The following PCDHGB5 variants were observed in gnomAD, a reference collection of about 807,000 sequenced individuals.
PCDHGB5 encodes protocadherin gamma subfamily B, 5.
A neutral mutation model predicts 62.9 loss-of-function variants in PCDHGB5; 48 were observed. The ratio of observed to expected loss-of-function variants is 0.76; its 90% CI spans 0.61 to 0.97. The LOEUF (loss-of-function observed/expected upper bound fraction) is 0.97, where lower values mean the gene tolerates loss of function less well. PCDHGB5 is among the 50% of genes least tolerant of loss of function. The probability of loss-of-function intolerance (pLI) is 0.00; values close to 1 mark genes in which losing one functional copy is unlikely to be tolerated. For missense variants in PCDHGB5, 1,118 were observed against 1,198.6 expected (o/e 0.93, Z 0.99); for synonymous variants, 474 against 511.2 (o/e 0.93, Z 0.98).
intron 1 of PCDHGB5, chr5:141,403,315 A>G (rs1268267002): frequency 6.2e-7 from 1 of 1,613,974 alleles, no homozygotes; most frequent in Non-Finnish European, 8.5e-7. Flanking sequence ...GAATAGAAAT[A>G]GAAGTAACTG....
At chr5:141,416,210 A>G (rs1264276644) in intron 1 of PCDHGB5, 2 of 152,420 alleles carry the variant, frequency 1.3e-5, no homozygotes, top group African/African-American at 4.8e-5. Flanking sequence ...TATTTATAAC[A>G]ATGTATGCTT....
Position 141,399,591 on chromosome 5 carries a change from G to A in PCDHGB5, c.1464G>A (p.Met488Ile), listed in dbSNP as rs2093843307. The stretch of plus-strand genomic sequence containing the variant: ...ACGGCCAAGTCTCCTACTCTATCAT[G>A]GCCAGCGACCTAGAGCCTCTGGCAC... ...GLNGQVSYSI[M>I]ASDLEPLALA... Residue 488 changes from methionine (M) to isoleucine (I), a missense_variant, in exon 1 of 4, where the codon ATG becomes ATA. Coordinates refer to ENST00000617380, the MANE Select transcript of PCDHGB5 (RefSeq NM_018925.3). 1 of 1,613,970 alleles carries A rather than the reference G, an allele frequency of 6.2e-7. No homozygotes were observed.
At chr5:141,412,195 C>T (rs1326751515) in intron 1 of PCDHGB5, 2 of 152,208 alleles carry the variant, frequency 1.3e-5, no homozygotes, top group African/African-American at 4.8e-5. Context: ...CTGATGAAAA[C>T]AGGTCATTTG....
Position 141,437,358 on chromosome 5 carries a change from T to C in PCDHGB5, c.2397+36834T>C, listed in dbSNP as rs115917828. ...CTTCACTGTTTTATAGTACCTAAAATTGGAATGTAATCAGTCAGAAGACAT... is the reference window on the plus strand; with the variant it reads ...CTTCACTGTTTTATAGTACCTAAAACTGGAATGTAATCAGTCAGAAGACAT... On this transcript the variant is annotated intron_variant, in intron 1 of 3. Coordinates refer to ENST00000617380, the MANE Select transcript of PCDHGB5 (RefSeq NM_018925.3). 4.6e-3 allele frequency among the ~76,000 whole-genome samples: 702 copies of C among 152,356 alleles called. 4 individuals carry two copies. Among genetic ancestry groups the C allele is most frequent in the African/African-American group, 0.015 (639 of 41,574 alleles).
At chr5:141,496,928 G>A (rs2099772685) in intron 2 of PCDHGB5, among the ~76,000 whole-genome samples, 1 of 151,334 alleles carries the variant, frequency 6.6e-6, no homozygotes, top group Non-Finnish European at 1.5e-5. Context: ...GTTCACGCCT[G>A]TAATCCCAGC....
intron 2 of PCDHGB5, among the ~76,000 whole-genome samples, chr5:141,504,572 A>G (rs184273457): frequency 6.7e-6 from 1 of 148,962 alleles, no homozygotes; most frequent in Admixed American, 6.9e-5. Flanking sequence ...TCTAGGGAAC[A>G]CCATCTGCCC....
intron 1 of PCDHGB5, among the ~76,000 whole-genome samples, chr5:141,464,440 T>C (rs566597587): frequency 6.6e-6 from 1 of 151,608 alleles, no homozygotes; most frequent in South Asian, 2.1e-4. Context: ...TATATGTTTG[T>C]TGTTGTTGTT....
chr5:141,480,970 A>C (rs1189003084), intron 1 of PCDHGB5, among the ~76,000 whole-genome samples: 1 of 152,120 alleles, frequency 6.6e-6, no homozygotes, highest in Non-Finnish European at 1.5e-5. Flanking sequence ...AGTGAGGGAG[A>C]ATCAGTGAAC....
intron 1 of PCDHGB5, among the ~76,000 whole-genome samples, chr5:141,465,779 GT>G (rs879859429): frequency 5.2e-4 from 76 of 145,138 alleles, no homozygotes; most frequent in South Asian, 1.1e-3. Flanking sequence ...TCTTGTTACA[GT>G]TTTTTTTTTT....
intron 1 of PCDHGB5, chr5:141,415,113 C>G: frequency 1.2e-6 from 2 of 1,613,642 alleles, no homozygotes; most frequent in Non-Finnish European, 1.7e-6. Context: ...AGCAAAGCCT[C>G]GTAGTGGCCG....
chr5:141,494,537 G>C (rs2099755111), intron 1 of PCDHGB5, among the ~76,000 whole-genome samples: 1 of 152,168 alleles, frequency 6.6e-6, no homozygotes, highest in Non-Finnish European at 1.5e-5. Flanking sequence ...TGGGGGCAGG[G>C]AGGAAGGGGC....
At position 141,476,140 on chromosome 5, in the gene PCDHGB5, C is replaced by A. The variant is rs1410430310; in HGVS notation, c.2398-18667C>A. On this transcript the variant is annotated intron_variant, in intron 1 of 3. Coordinates refer to ENST00000617380, the MANE Select transcript of PCDHGB5 (RefSeq NM_018925.3). The surrounding 1 kb of genome is among the most constrained non-coding windows in gnomAD (Gnocchi z 7.6). ...AGATGGTCCCAGAGGCCTGGAGGAG[C>A]GGACTGGTAAGCACCGGGAGGGTAG... 6 of 1,609,222 alleles carry A rather than the reference C, an allele frequency of 3.7e-6. No homozygotes were observed. The highest frequency in any genetic ancestry group is 5.1e-6 in the Non-Finnish European group (6 of 1,178,484).
chr5:141,483,432 ACT>A (rs2099581241), intron 1 of PCDHGB5, among the ~76,000 whole-genome samples: 1 of 152,200 alleles, frequency 6.6e-6, no homozygotes, highest in African/African-American at 2.4e-5. Flanking sequence ...GAGGGAGCTG[ACT>A]ACAATAAAAT....
At chr5:141,423,591 A>G in intron 1 of PCDHGB5, 1 of 1,613,312 alleles carries the variant, frequency 6.2e-7, no homozygotes, top group South Asian at 1.1e-5. Context: ...GCTGTGAGAA[A>G]AGCGAGCCAC....
chr5:141,478,011 G>A (rs1216659966), intron 1 of PCDHGB5: 1 of 1,614,088 alleles, frequency 6.2e-7, no homozygotes, highest in East Asian at 2.2e-5. Flanking sequence ...AGTACTGCCC[G>A]TCCAGTCCAA....
rs148558897 is a variant in PCDHGB5, at chr5:141,489,890, G to A, written c.2398-4917G>A. On this transcript the variant is annotated intron_variant, in intron 1 of 3. Coordinates refer to ENST00000617380, the MANE Select transcript of PCDHGB5 (RefSeq NM_018925.3). The surrounding 1 kb of genome is among the most constrained non-coding windows in gnomAD (Gnocchi z 4.5). Reference sequence around the variant, plus strand: ...CAGCTGGTGCTTACTGCTGTGGATGGGGGGACCCCAGCCCGCTCAGGGACC... The same window carrying A: ...CAGCTGGTGCTTACTGCTGTGGATGAGGGGACCCCAGCCCGCTCAGGGACC... 6.2e-7 allele frequency: 1 copy of A among 1,614,198 alleles called. No homozygotes were observed. The highest frequency in any genetic ancestry group is 8.5e-7 in the Non-Finnish European group (1 of 1,180,028).
chr5:141,510,821 C>G, intron 3 of PCDHGB5, 126 bp from the exon 4 acceptor site: 2 of 1,559,324 alleles, frequency 1.3e-6, no homozygotes, highest in Non-Finnish European at 1.7e-6. Context: ...CCCCTATATT[C>G]CCAGTGCTCA....
chr5:141,470,476 A>G (rs1009129571), intron 1 of PCDHGB5, among the ~76,000 whole-genome samples: 7 of 152,128 alleles, frequency 4.6e-5, no homozygotes, highest in African/African-American at 1.7e-4. Context: ...GATATTACTA[A>G]CCCTCTGGGA....
chr5:141,488,222 G>A (rs1351438124), intron 1 of PCDHGB5, among the ~76,000 whole-genome samples: 1 of 152,104 alleles, frequency 6.6e-6, no homozygotes, highest in Admixed American at 6.5e-5. Flanking sequence ...TCCCTACTGG[G>A]GATTTGAACT....
Sources: gnomAD v4.1 joint callset for allele counts (sites outside exome capture counted in the v4.1 genomes callset) on GRCh38, gnomAD v4.1.1 for gene constraint, Gnocchi (gnomAD v3.1) non-coding constraint, MANE v1.5 for transcripts, NCBI Gene and HGNC (gene_info 2026-07-23, HGNC 2026-07-21) for gene names.